The following RXRA variants were observed in gnomAD, a reference collection of about 807,000 sequenced individuals.
The protein encoded by RXRA is retinoic acid receptor RXR-alpha.
RXRA carries 5 observed loss-of-function variants against 44.5 expected under a neutral mutation model. That is an observed-to-expected ratio of 0.11 (90% confidence interval 0.06 to 0.24). The LOEUF (loss-of-function observed/expected upper bound fraction) is 0.24, where lower values mean the gene tolerates loss of function less well. Among genes scored for constraint, RXRA ranks in the 10% least tolerant of loss-of-function variants. The pLI, the probability that RXRA is intolerant of heterozygous loss-of-function variation, is 1.00. For missense variants in RXRA, 412 were observed against 646.5 expected, an observed-to-expected ratio of 0.64 and a Z score of 3.93; for synonymous variants, 291 against 271.4, an observed-to-expected ratio of 1.07 and a Z score of -0.71.
intron 1 of RXRA, among the ~76,000 whole-genome samples, chr9:134,356,037 G>A (rs892859412): frequency 2.6e-5 from 4 of 152,206 alleles, no homozygotes; most frequent in Admixed American, 1.3e-4. Flanking sequence ...GTGCTTCCAC[G>A]ACGCCCTCAC....
intron 1 of RXRA, among the ~76,000 whole-genome samples, chr9:134,392,877 C>T (rs1830820957): frequency 6.6e-6 from 1 of 152,050 alleles, no homozygotes; most frequent in Non-Finnish European, 1.5e-5. Context: ...GCGTTGGGAA[C>T]CCGTCCCTGG....
chr9:134,420,256 C>T (rs1588301714), intron 5 of RXRA, among the ~76,000 whole-genome samples: 1 of 152,234 alleles, frequency 6.6e-6, no homozygotes, highest in East Asian at 1.9e-4. Flanking sequence ...CCCCTTTCAG[C>T]CCCCAGCGTG....
intron 4 of RXRA, among the ~76,000 whole-genome samples, chr9:134,411,669 G>C (rs1831150777): frequency 6.6e-6 from 1 of 152,234 alleles, no homozygotes; most frequent in Non-Finnish European, 1.5e-5. Flanking sequence ...CCTCCAGCAG[G>C]ATTCTGAGGC....
At chr9:134,345,828 A>G (rs1222637475) in intron 1 of RXRA, among the ~76,000 whole-genome samples, 1 of 152,158 alleles carries the variant, frequency 6.6e-6, no homozygotes, top group East Asian at 1.9e-4. Context: ...CTCATTCATG[A>G]CTAAACACGT....
In RXRA at chr9:134,439,753, G is replaced by A. The variant is rs548685250; in HGVS notation, c.*3139G>A. ...ACATGTATGTGCTGTACAGAGAGAC[G>A]CGTGTGGAGAGAGCCGCACACCAGC... On this transcript the variant is annotated 3_prime_UTR_variant, in exon 10 of 10. Coordinates refer to ENST00000481739, the MANE Select transcript of RXRA (RefSeq NM_002957.6). 14 of 152,394 alleles carry A rather than the reference G, an allele frequency of 9.2e-5. No individual in the cohort carries two copies. The highest frequency in any genetic ancestry group is 3.4e-4 in the African/African-American group (14 of 41,578). 9.4% of individuals were successfully genotyped at this position (152,394 alleles called of 1,614,324 possible). A position where few individuals can be genotyped will look rare whatever the true frequency, so the allele number is the denominator to read the frequency against.
At chr9:134,382,268 GGT>G (rs145989754) in intron 1 of RXRA, among the ~76,000 whole-genome samples, 6,924 of 148,622 alleles carry the variant, frequency 0.047, 206 homozygotes, top group African/African-American at 0.092. Context: ...AGGTTTGGGT[GGT>G]GTGTGTGTGT....
intron 1 of RXRA, among the ~76,000 whole-genome samples, chr9:134,383,969 G>A (rs991598675): frequency 6.6e-6 from 1 of 152,144 alleles, no homozygotes; most frequent in African/African-American, 2.4e-5. Flanking sequence ...GGGGTTGTTT[G>A]TGTTGTTATT....
intron 5 of RXRA, among the ~76,000 whole-genome samples, chr9:134,420,943 G>A (rs1831319870): frequency 6.6e-6 from 1 of 152,202 alleles, no homozygotes; most frequent in Admixed American, 6.5e-5. Flanking sequence ...TATCTCAGCC[G>A]AGGCTCCTGC....
chr9:134,432,008 C>T lies in RXRA; in HGVS notation c.1135+12C>T. On this transcript the variant is annotated intron_variant, in intron 8 of 9. Transcript: ENST00000481739. ...CCTCTTTAACCCTGGTATGGCCTTC[C>T]TGCCTTGAGGCTTCTGGCCCCGTTC... 1 of 1,607,886 alleles carries T rather than the reference C, an allele frequency of 6.2e-7. No homozygotes were observed. Among genetic ancestry groups the T allele is most frequent in the Non-Finnish European group, 8.5e-7 (1 of 1,174,782 alleles).
chr9:134,400,164 T>A (rs1830936790), intron 1 of RXRA, among the ~76,000 whole-genome samples: 1 of 152,062 alleles, frequency 6.6e-6, no homozygotes, highest in South Asian at 2.1e-4. Flanking sequence ...CATGTCTTCC[T>A]GAGATGCAGG....
At chr9:134,413,308 G>T (rs1831180039) in intron 4 of RXRA, among the ~76,000 whole-genome samples, 1 of 151,736 alleles carries the variant, frequency 6.6e-6, no homozygotes, top group Admixed American at 6.6e-5. Context: ...TGTGGTGTGT[G>T]TGTGATATGT....
At chr9:134,397,561 G>A (rs752996040) in intron 1 of RXRA, among the ~76,000 whole-genome samples, 2 of 152,136 alleles carry the variant, frequency 1.3e-5, no homozygotes, top group Non-Finnish European at 2.9e-5. Context: ...TGTGAGAGGC[G>A]CCTTGGGGCT....
intron 1 of RXRA, among the ~76,000 whole-genome samples, chr9:134,400,623 A>G (rs929747348): frequency 3.9e-5 from 6 of 152,208 alleles, no homozygotes; most frequent in African/African-American, 1.4e-4. Context: ...GCTCAGGCCC[A>G]TGGGCAGTGG....
In RXRA at chr9:134,419,006, G is replaced by C. The variant is rs187383429; in HGVS notation, c.780+1679G>C. ...GACAACCTGGTGCCCCCACGTCCCC[G>C]GCTCTGCTCAGACCTCTACTCTGGC... On this transcript the variant is annotated intron_variant, in intron 5 of 9. Transcript: ENST00000481739. 5.3e-3 allele frequency among the ~76,000 whole-genome samples: 807 copies of C among 152,314 alleles called. 3 individuals are homozygous for C. The highest frequency in any genetic ancestry group is 7.8e-3 in the Non-Finnish European group (531 of 68,028).
chr9:134,335,191 C>G (rs769032589), intron 1 of RXRA, among the ~76,000 whole-genome samples: 3 of 152,202 alleles, frequency 2.0e-5, no homozygotes, highest in Non-Finnish European at 4.4e-5. Context: ...ATGTCTAAAA[C>G]TAACTGGTGA....
chr9:134,410,609 G>T (rs1831131899), intron 4 of RXRA, among the ~76,000 whole-genome samples: 2 of 152,216 alleles, frequency 1.3e-5, no homozygotes, highest in Non-Finnish European at 2.9e-5. Flanking sequence ...ATGGAAACTG[G>T]GACAGGGGCA....
intron 1 of RXRA, among the ~76,000 whole-genome samples, chr9:134,370,217 A>G (rs377486878): frequency 6.6e-6 from 1 of 152,154 alleles, no homozygotes; most frequent in Non-Finnish European, 1.5e-5. Context: ...GGTGGTGTCC[A>G]TCTGCATGGG....
intron 1 of RXRA, among the ~76,000 whole-genome samples, chr9:134,372,403 C>T (rs138649208): frequency 3.3e-4 from 51 of 152,256 alleles, no homozygotes; most frequent in African/African-American, 2.4e-4. Flanking sequence ...GAGTGGGGGC[C>T]GCAGGCGAGG....
intron 5 of RXRA, among the ~76,000 whole-genome samples, chr9:134,419,762 G>A (rs1244586912): frequency 6.6e-6 from 1 of 152,206 alleles, no homozygotes; most frequent in Non-Finnish European, 1.5e-5. Flanking sequence ...ACACAGGGAG[G>A]TGGAGCCAGG....
Sources: allele counts gnomAD v4.1 joint callset (sites outside exome capture counted in the v4.1 genomes callset), GRCh38; gene constraint gnomAD v4.1.1; transcripts MANE v1.5; gene names NCBI Gene and HGNC (gene_info 2026-07-23, HGNC 2026-07-21).